RNF152: variants seen among roughly 807,000 people sequenced by gnomAD.
RNF152 encodes ring finger protein 152, also known as E3 ubiquitin-protein ligase RNF152.
RNF152 carries 11 observed loss-of-function variants against 12.7 expected under a neutral mutation model. The ratio of observed to expected loss-of-function variants is 0.86; its 90% confidence interval spans 0.54 to 1.43. The LOEUF (loss-of-function observed/expected upper bound fraction) is 1.43, where lower values mean the gene tolerates loss of function less well. Ranked by LOEUF, RNF152 falls within the 40% of genes most tolerant of loss-of-function variation. The probability of loss-of-function intolerance (pLI) is 0.00; values close to 1 mark genes in which losing one functional copy is unlikely to be tolerated. For missense variants in RNF152, 255 were observed against 274.8 expected (o/e 0.93, Z 0.51); for synonymous variants, 113 against 120.3 (o/e 0.94, Z 0.40).
At chr18:61,842,655 A>G (rs1910504763) in intron 1 of RNF152, among the ~76,000 whole-genome samples, 1 of 152,206 alleles carries the variant, frequency 6.6e-6, no homozygotes, top group Non-Finnish European at 1.5e-5. Context: ...GACACACCTG[A>G]GACTGGGCAA....
intron 1 of RNF152, among the ~76,000 whole-genome samples, chr18:61,852,028 G>T (rs1447461521): frequency 1.3e-5 from 2 of 152,092 alleles, no homozygotes; most frequent in African/African-American, 4.8e-5. Flanking sequence ...CAAAGGCCAG[G>T]GTGCTCTCAG....
At chr18:61,822,359 TTATTTTGAGGCCCTAGA>T (rs1909458868) in intron 1 of RNF152, among the ~76,000 whole-genome samples, 1 of 152,224 alleles carries the variant, frequency 6.6e-6, no homozygotes, top group Non-Finnish European at 1.5e-5. Flanking sequence ...GTTGCTGTTG[TTATTTTGAGGCCCTAGA>T]TATTTTGTGC....
rs1337462333 is a variant in RNF152, at chr18:61,889,803, C to T, written c.-136+2992G>A. ...GGGTGGCCCTAGGCCCATTGCCACT[C>T]TTTTTCTACCCTGGGCGGTTCCAAA... On this transcript the variant is annotated intron_variant, in intron 1 of 1. Transcript: ENST00000312828. Among the ~76,000 whole-genome samples the T allele has an allele frequency of 2.6e-5, 4 of 152,288 alleles. No individual in the cohort carries two copies. The East Asian group carries it at 7.7e-4, about 29-fold the overall frequency.
chr18:61,851,804 T>C (rs1274326909), intron 1 of RNF152, among the ~76,000 whole-genome samples: 2 of 152,200 alleles, frequency 1.3e-5, no homozygotes, highest in Admixed American at 6.5e-5. Context: ...TACCATAGGA[T>C]ACTAGAAAAT....
chr18:61,816,160 G>T lies in RNF152; in HGVS notation c.304C>A (p.Leu102Met). 6.2e-7 allele frequency: 1 copy of T among 1,614,228 alleles called. No individual in the cohort carries two copies. The highest frequency in any genetic ancestry group is 1.1e-5 in the South Asian group (1 of 91,080). The change falls in exon 2 of 2, where the codon CTG becomes ATG. Residue 102 changes from leucine (L) to methionine (M), a missense_variant. Transcript: ENST00000312828. ...CGCTCCTTGGAGATGGGCAGGGGCA[G>T]CATGTAGCACCCATTGCTGGGAAGT... Reference protein sequence around the residue: ...IKLPSNGCYMLPLPISKERAL... With the variant: ...IKLPSNGCYMMPLPISKERAL...
chr18:61,857,720 A>C (rs1046335745), intron 1 of RNF152, among the ~76,000 whole-genome samples: 6 of 152,112 alleles, frequency 3.9e-5, no homozygotes, highest in African/African-American at 1.2e-4. Context: ...CAAACAAACA[A>C]ACAAAAACTG....
At chr18:61,879,041 G>A (rs955465607) in intron 1 of RNF152, among the ~76,000 whole-genome samples, 44 of 152,164 alleles carry the variant, frequency 2.9e-4, no homozygotes, top group Non-Finnish European at 5.0e-4. Flanking sequence ...GCTGGAGGAG[G>A]ATCAACAGGA....
At chr18:61,827,776 TG>T (rs1161786794) in intron 1 of RNF152, among the ~76,000 whole-genome samples, 1 of 152,182 alleles carries the variant, frequency 6.6e-6, no homozygotes, top group African/African-American at 2.4e-5. Flanking sequence ...AATTAAGCAC[TG>T]CAGGGAGTCA....
At chr18:61,830,865 T>A (rs185442317) in intron 1 of RNF152, among the ~76,000 whole-genome samples, 2 of 152,306 alleles carry the variant, frequency 1.3e-5, no homozygotes, top group Admixed American at 1.3e-4. Context: ...GAGAGTGGCA[T>A]CTGAAGGTTA....
At chr18:61,848,901 G>C (rs1910848195) in intron 1 of RNF152, among the ~76,000 whole-genome samples, 1 of 152,196 alleles carries the variant, frequency 6.6e-6, no homozygotes, top group Admixed American at 6.5e-5. Flanking sequence ...GCCCACAGAG[G>C]TCTCAAAAGA....
At chr18:61,864,581 C>T (rs1911644181) in intron 1 of RNF152, among the ~76,000 whole-genome samples, 3 of 152,098 alleles carry the variant, frequency 2.0e-5, no homozygotes, top group Admixed American at 2.0e-4. Context: ...TCATTGCCCA[C>T]TGGGGACTAA....
At chr18:61,871,675 C>T (rs976662961) in intron 1 of RNF152, among the ~76,000 whole-genome samples, 1 of 152,264 alleles carries the variant, frequency 6.6e-6, no homozygotes, top group Non-Finnish European at 1.5e-5. Context: ...ATCCCGATGC[C>T]GAGCCTTCAG....
intron 1 of RNF152, among the ~76,000 whole-genome samples, chr18:61,824,054 T>A (rs1206617260): frequency 6.6e-6 from 1 of 152,366 alleles, no homozygotes; most frequent in East Asian, 1.9e-4. Context: ...GACCCCTCCA[T>A]GGTTTGATGA....
intron 1 of RNF152, among the ~76,000 whole-genome samples, chr18:61,880,409 G>T (rs956334211): frequency 6.6e-5 from 10 of 152,122 alleles, no homozygotes; most frequent in Non-Finnish European, 1.3e-4. Context: ...TAAGAGGAAG[G>T]ACTCAAGCCA....
chr18:61,826,772 C>G (rs1256141280), intron 1 of RNF152, among the ~76,000 whole-genome samples: 2 of 152,234 alleles, frequency 1.3e-5, no homozygotes, highest in African/African-American at 4.8e-5. Context: ...ACACCTACCT[C>G]GAAATCAGCT....
intron 1 of RNF152, among the ~76,000 whole-genome samples, chr18:61,820,272 T>C (rs1909325720): frequency 1.6e-5 from 2 of 123,316 alleles, no homozygotes; most frequent in Non-Finnish European, 3.1e-5. Flanking sequence ...GAGCTTGCAA[T>C]GAGCAGAGAT....
chr18:61,844,659 A>G (rs1910668423), intron 1 of RNF152, among the ~76,000 whole-genome samples: 1 of 152,184 alleles, frequency 6.6e-6, no homozygotes, highest in Non-Finnish European at 1.5e-5. Flanking sequence ...CAAATTATTC[A>G]TCTTGTGTCT....
intron 1 of RNF152, among the ~76,000 whole-genome samples, chr18:61,872,015 G>A (rs1473051736): frequency 2.6e-5 from 4 of 152,116 alleles, no homozygotes; most frequent in Admixed American, 2.0e-4. Context: ...ATTGGCTCAC[G>A]GTTCTGCAGG....
chr18:61,864,650 C>T (rs1278505237), intron 1 of RNF152, among the ~76,000 whole-genome samples: 1 of 152,212 alleles, frequency 6.6e-6, no homozygotes, highest in Admixed American at 6.5e-5. Flanking sequence ...AAAGTCACAA[C>T]CCTCTAATCA....
Sources: allele counts gnomAD v4.1 joint callset (sites outside exome capture counted in the v4.1 genomes callset), GRCh38; gene constraint gnomAD v4.1.1; transcripts MANE v1.5; gene names NCBI Gene and HGNC (gene_info 2026-07-23, HGNC 2026-07-21).